The following KLF12 variants were observed in gnomAD, a reference collection of about 807,000 sequenced individuals.
The protein encoded by KLF12 is KLF transcription factor 12, also known as Krueppel-like factor 12.
KLF12 carries 9 observed loss-of-function variants against 37.8 expected under a neutral mutation model. That is an observed-to-expected ratio of 0.24 (90% CI 0.14 to 0.42). The LOEUF (loss-of-function observed/expected upper bound fraction) is 0.42. Among genes scored for constraint, KLF12 ranks in the 10% least tolerant of loss-of-function variants. KLF12 has a pLI of 1.00. For missense variants in KLF12, 411 were observed against 516.0 expected (o/e 0.80, Z 1.97); for synonymous variants, 208 against 202.1 (o/e 1.03, Z -0.25).
At chr13:74,109,350 G>A (rs1220936054) in intron 1 of KLF12, among the ~76,000 whole-genome samples, 1 of 151,560 alleles carries the variant, frequency 6.6e-6, no homozygotes, top group African/African-American at 2.4e-5. Flanking sequence ...ATCAATCACT[G>A]CAAAACAGCT....
chr13:73,713,930 C>G (rs1444689981), intron 7 of KLF12, among the ~76,000 whole-genome samples: 1 of 152,134 alleles, frequency 6.6e-6, no homozygotes, highest in East Asian at 1.9e-4. Context: ...AACAGAAATG[C>G]TCCTATAAAG....
intron 1 of KLF12, among the ~76,000 whole-genome samples, chr13:74,105,842 T>A (rs1183118445): frequency 6.6e-6 from 1 of 152,212 alleles, no homozygotes; most frequent in Non-Finnish European, 1.5e-5. Flanking sequence ...AAATGGCTTT[T>A]GTAAAGTGAG....
At chr13:73,895,900 A>AG (rs1234886600) in intron 3 of KLF12, among the ~76,000 whole-genome samples, 1 of 150,764 alleles carries the variant, frequency 6.6e-6, no homozygotes, top group African/African-American at 2.4e-5. Context: ...GGCTCACCGC[A>AG]ACCTTCGCCT....
chr13:74,226,259 AC>A, the KLF12 span, among the ~76,000 whole-genome samples: 1 of 152,198 alleles, frequency 6.6e-6, no homozygotes. Flanking sequence ...AGAGGAGGCG[AC>A]AATTCCAAGA....
chr13:73,967,127 T>C (rs978568256), intron 2 of KLF12, among the ~76,000 whole-genome samples: 2 of 152,294 alleles, frequency 1.3e-5, no homozygotes, highest in Middle Eastern at 3.4e-3. Flanking sequence ...CCCAAATCCA[T>C]AATTAAATGC....
intron 1 of KLF12, among the ~76,000 whole-genome samples, chr13:74,070,627 A>G (rs1469691089): frequency 7.9e-5 from 12 of 152,198 alleles, no homozygotes; most frequent in Non-Finnish European, 1.8e-4. Flanking sequence ...AGGCCCACTA[A>G]TTGGTCATGA....
At chr13:74,032,752 C>T (rs1443625820) in intron 1 of KLF12, among the ~76,000 whole-genome samples, 1 of 152,144 alleles carries the variant, frequency 6.6e-6, no homozygotes, top group Admixed American at 6.5e-5. Context: ...TGTATCTACA[C>T]CTACAGCATT....
the KLF12 span, among the ~76,000 whole-genome samples, chr13:74,181,092 A>C: frequency 2.0e-5 from 3 of 152,072 alleles, no homozygotes; most frequent in Non-Finnish European, 2.9e-5. Context: ...TCCCTCTCCC[A>C]GGTTCAAGCA....
chr13:73,791,766 G>T (rs1881701634), intron 5 of KLF12, among the ~76,000 whole-genome samples: 1 of 152,146 alleles, frequency 6.6e-6, no homozygotes, highest in African/African-American at 2.4e-5. Flanking sequence ...AATAAGGAAA[G>T]AAATACAATA....
At chr13:74,014,324 T>A (rs1024541392) in intron 1 of KLF12, among the ~76,000 whole-genome samples, 1 of 152,236 alleles carries the variant, frequency 6.6e-6, no homozygotes, top group Non-Finnish European at 1.5e-5. Flanking sequence ...CTTCTTCCTA[T>A]GTCCTGCGTT....
At chr13:74,205,196 G>T in the KLF12 span, among the ~76,000 whole-genome samples, 1 of 152,064 alleles carries the variant, frequency 6.6e-6, no homozygotes, top group Non-Finnish European at 1.5e-5. Flanking sequence ...TAGCAAATTT[G>T]CTCAGCGTGG....
At chr13:73,909,026 C>G (rs1278635280) in intron 3 of KLF12, among the ~76,000 whole-genome samples, 2 of 152,128 alleles carry the variant, frequency 1.3e-5, no homozygotes, top group Non-Finnish European at 2.9e-5. Context: ...GTATAAAGAC[C>G]ATACAGAGAT....
At chr13:73,913,392 A>C (rs1566455427) in intron 3 of KLF12, among the ~76,000 whole-genome samples, 1 of 152,244 alleles carries the variant, frequency 6.6e-6, no homozygotes, top group Non-Finnish European at 1.5e-5. Flanking sequence ...AACGAGGGCT[A>C]GTCCTCGGGT....
At chr13:74,185,558 T>C in the KLF12 span, among the ~76,000 whole-genome samples, 1 of 152,246 alleles carries the variant, frequency 6.6e-6, no homozygotes, top group Non-Finnish European at 1.5e-5. Flanking sequence ...AATAGAATTC[T>C]GTTACTTGAC....
intron 1 of KLF12, among the ~76,000 whole-genome samples, chr13:74,066,152 A>C (rs1849119923): frequency 6.6e-6 from 1 of 152,108 alleles, no homozygotes; most frequent in African/African-American, 2.4e-5. Flanking sequence ...CACTGAGAAG[A>C]CAAGACTATG....
intron 1 of KLF12, among the ~76,000 whole-genome samples, chr13:74,081,583 T>C (rs1443540166): frequency 2.0e-5 from 3 of 152,166 alleles, no homozygotes; most frequent in African/African-American, 7.2e-5. Flanking sequence ...CAACAGACAA[T>C]GGATCTGCCA....
chr13:74,159,330 A>C, the KLF12 span, among the ~76,000 whole-genome samples: 5 of 152,244 alleles, frequency 3.3e-5, no homozygotes, highest in Non-Finnish European at 5.9e-5. Flanking sequence ...ATATAATTTC[A>C]TACCAAGACA....
At chr13:74,108,387 A>C (rs1033102635) in intron 1 of KLF12, among the ~76,000 whole-genome samples, 1 of 152,124 alleles carries the variant, frequency 6.6e-6, no homozygotes, top group Non-Finnish European at 1.5e-5. Context: ...ATTTTTCTTC[A>C]AGAATCTAAA....
intron 1 of KLF12, among the ~76,000 whole-genome samples, chr13:74,032,517 G>A (rs546340377): frequency 6.6e-6 from 1 of 152,050 alleles, no homozygotes. Context: ...CCTACAGAAC[G>A]TGTTCTACTT....
Sources: gnomAD v4.1 joint callset for allele counts (sites outside exome capture counted in the v4.1 genomes callset) on GRCh38, gnomAD v4.1.1 for gene constraint, MANE v1.5 for transcripts, NCBI Gene and HGNC (gene_info 2026-07-23, HGNC 2026-07-21) for gene names.